Variants in TBC1D21 observed in about 807,000 individuals in gnomAD.
The protein encoded by TBC1D21 is male germ cell Rab GTPase-activating protein.
In TBC1D21, 38 loss-of-function variants were observed where a neutral mutation model predicts 46.0. That is an observed-to-expected ratio of 0.83 (90% CI 0.64 to 1.08). TBC1D21 has a LOEUF of 1.08. Among genes scored for constraint, TBC1D21 ranks in the 50% least tolerant of loss-of-function variants. TBC1D21 has a pLI of 0.00. For missense variants in TBC1D21, 415 were observed against 417.9 expected (o/e 0.99, Z 0.06); for synonymous variants, 151 against 157.2 (o/e 0.96, Z 0.29).
intron 9 of TBC1D21, 50 bp downstream of exon 9, chr15:73,887,786 CA>C: frequency 6.9e-7 from 1 of 1,443,358 alleles, no homozygotes; most frequent in South Asian, 1.2e-5. Flanking sequence ...GAGGCCCTGA[CA>C]CCCCACCCCA....
chr15:73,884,325 G>A, intron 4 of TBC1D21, 80 bp downstream of exon 4: 7 of 1,296,110 alleles, frequency 5.4e-6, no homozygotes, highest in Non-Finnish European at 7.8e-6. Flanking sequence ...CACTTCCAGG[G>A]AGGGATGGCT....
chr15:73,886,868 T>C (rs540585955), intron 8 of TBC1D21, among the ~76,000 whole-genome samples: 1 of 152,352 alleles, frequency 6.6e-6, no homozygotes, highest in African/African-American at 2.4e-5. Flanking sequence ...CCCTATGGCC[T>C]GTGCAGTGGG....
intron 7 of TBC1D21, 38 bp from the exon 8 acceptor site, chr15:73,886,474 T>A (rs1251962514): frequency 4.4e-6 from 7 of 1,588,040 alleles, no homozygotes; most frequent in Non-Finnish European, 6.0e-6. Flanking sequence ...ATCATATGTG[T>A]TTTCCCCTGA....
At chr15:73,899,866 A>C in the TBC1D21 span, among the ~76,000 whole-genome samples, 2 of 152,204 alleles carry the variant, frequency 1.3e-5, no homozygotes, top group African/African-American at 4.8e-5. Flanking sequence ...AACGCAGAGC[A>C]CTTGGACCTT....
intron 1 of TBC1D21, among the ~76,000 whole-genome samples, chr15:73,874,752 A>G (rs771604768): frequency 6.6e-6 from 1 of 152,206 alleles, no homozygotes; most frequent in Non-Finnish European, 1.5e-5. Flanking sequence ...CGAAGCCCAG[A>G]GATCTGTGTT....
At chr15:73,874,880 G>A (rs892877728) in intron 1 of TBC1D21, among the ~76,000 whole-genome samples, 1 of 152,204 alleles carries the variant, frequency 6.6e-6, no homozygotes, top group African/African-American at 2.4e-5. Flanking sequence ...CACCTGGGTT[G>A]GTAATAATTG....
In TBC1D21 at chr15:73,889,080, A is replaced by G. The variant is rs1370210007; in HGVS notation, c.990A>G (p.Thr330=). The change falls in exon 11 of 11, where the codon ACA becomes ACG. Residue 330 remains threonine (T), a synonymous_variant. Transcript: ENST00000300504. Reference sequence around the variant, plus strand: ...TGCCTCCTCCCTAGGTTCCTCAGACATTAAAGGATTTCTTCCTCTGAGGAC... The same window carrying G: ...TGCCTCCTCCCTAGGTTCCTCAGACGTTAAAGGATTTCTTCCTCTGAGGAC... ...AELIQKDVPQ[T]LKDFFL is the part of the protein sequence containing the mutation. 12 of 1,613,352 alleles carry G rather than the reference A, an allele frequency of 7.4e-6. No homozygotes were observed. Among genetic ancestry groups the G allele is most frequent in the Non-Finnish European group, 9.3e-6 (11 of 1,179,800 alleles).
At chr15:73,896,179 G>A in the TBC1D21 span, among the ~76,000 whole-genome samples, 5 of 69,198 alleles carry the variant, frequency 7.2e-5, no homozygotes, top group African/African-American at 2.0e-4. Context: ...GGAGGTACTG[G>A]TAGTGGCAGC....
At chr15:73,884,005 A>T in intron 3 of TBC1D21, 146 bp from the exon 4 acceptor site, 1 of 717,738 alleles carries the variant, frequency 1.4e-6, no homozygotes, top group Non-Finnish European at 2.5e-6. Context: ...ACAGGTTGAG[A>T]TGAGGGACAG....
the TBC1D21 span, among the ~76,000 whole-genome samples, chr15:73,898,880 A>AAAAAAATATATATATATAT: frequency 9.6e-3 from 538 of 56,200 alleles, 10 homozygotes; most frequent in Non-Finnish European, 0.016. Flanking sequence ...AAAAAAAAAA[A>AAAAAAATATATATATATAT]ATATATATAT....
At chr15:73,900,777 G>A in the TBC1D21 span, among the ~76,000 whole-genome samples, 1 of 152,192 alleles carries the variant, frequency 6.6e-6, no homozygotes, top group Non-Finnish European at 1.5e-5. Context: ...TGGACAATGA[G>A]AGGCAAAGTC....
At position 73,873,576 on chromosome 15, in the gene TBC1D21, G is replaced by A. The variant is rs1221545817; in HGVS notation, c.-134G>A. ...GGGGACTTGTGACACACTGCTGGCC[G>A]GCTCTGTTCAAGTGTGGGAGGTCAG... On this transcript the variant is annotated 5_prime_UTR_variant, in exon 1 of 11. Coordinates refer to ENST00000300504, the MANE Select transcript of TBC1D21 (RefSeq NM_153356.3). 38 of 870,070 alleles carry A rather than the reference G, an allele frequency of 4.4e-5. No homozygotes were observed. Among genetic ancestry groups the A allele is most frequent in the Admixed American group, 2.9e-4 (13 of 45,494 alleles). 53.9% of individuals were successfully genotyped at this position (870,070 alleles called of 1,614,324 possible). A position where few individuals can be genotyped will look rare whatever the true frequency, so the allele number is the denominator to read the frequency against.
At chr15:73,904,014 C>T in the TBC1D21 span, among the ~76,000 whole-genome samples, 1 of 152,218 alleles carries the variant, frequency 6.6e-6, no homozygotes, top group African/African-American at 2.4e-5. Context: ...CGCCACTGCA[C>T]TCCAGCCTGG....
At chr15:73,893,835 A>G (rs2068355616), downstream of TBC1D21, among the ~76,000 whole-genome samples, 1 of 152,212 alleles carries the variant, frequency 6.6e-6, no homozygotes, top group Non-Finnish European at 1.5e-5. Flanking sequence ...TCCACTGCCC[A>G]GGACCCAACC....
At chr15:73,909,170 G>C in the TBC1D21 span, among the ~76,000 whole-genome samples, 6 of 152,182 alleles carry the variant, frequency 3.9e-5, no homozygotes, top group African/African-American at 9.7e-5. Context: ...TCAGCAGTTC[G>C]AGACCAGCGT....
At chr15:73,899,117 G>T in the TBC1D21 span, among the ~76,000 whole-genome samples, 1 of 151,980 alleles carries the variant, frequency 6.6e-6, no homozygotes, top group Non-Finnish European at 1.5e-5. Flanking sequence ...ACTAGCAATT[G>T]TTAGCTCCTG....
intron 1 of TBC1D21, 121 bp from the exon 2 acceptor site, chr15:73,881,278 C>T (rs1327441468): frequency 1.6e-5 from 11 of 670,668 alleles, no homozygotes; most frequent in East Asian, 5.4e-5. Context: ...GATAGATTTC[C>T]GAAGTAAGTC....
At chr15:73,898,902 T>TATATAC in the TBC1D21 span, among the ~76,000 whole-genome samples, 1,892 of 112,578 alleles carry the variant, frequency 0.017, 49 homozygotes, top group Non-Finnish European at 0.027. Context: ...TATATATATA[T>TATATAC]ACACACACAC....
the TBC1D21 span, among the ~76,000 whole-genome samples, chr15:73,897,582 G>A: frequency 1.3e-5 from 2 of 152,176 alleles, no homozygotes; most frequent in African/African-American, 4.8e-5. Flanking sequence ...TACAGAGGGC[G>A]CTCCTCCTCC....
Sources: gnomAD v4.1 joint callset for allele counts (sites outside exome capture counted in the v4.1 genomes callset) on GRCh38, gnomAD v4.1.1 for gene constraint, MANE v1.5 for transcripts, NCBI Gene and HGNC (gene_info 2026-07-23, HGNC 2026-07-21) for gene names.